HMG20A: variants seen among roughly 807,000 people sequenced by gnomAD.
HMG20A encodes high mobility group protein 20A.
Under a neutral mutation model 43.9 loss-of-function variants are expected in HMG20A, and 17 were observed. The ratio of observed to expected loss-of-function variants is 0.39; its 90% CI spans 0.27 to 0.58. The LOEUF is 0.58. Ranked by LOEUF, HMG20A falls within the 20% of genes least tolerant of loss-of-function variation. HMG20A has a pLI of 0.59. For missense variants in HMG20A, 341 were observed against 438.2 expected (o/e 0.78, Z 1.98); for synonymous variants, 132 against 147.5 (o/e 0.89, Z 0.76).
chr15:77,458,068 T>G (rs11856084), intron 1 of HMG20A: 44,975 of 198,700 alleles, frequency 0.23, 5,730 homozygotes, highest in Middle Eastern at 0.28. Flanking sequence ...TTGCTCAGAG[T>G]GGCAGTGCTT....
At chr15:77,513,739 T>C in the HMG20A span, among the ~76,000 whole-genome samples, 1 of 151,986 alleles carries the variant, frequency 6.6e-6, no homozygotes, top group South Asian at 2.1e-4. Flanking sequence ...CTCCTTTTTT[T>C]TTTTTTTGAT....
In HMG20A at chr15:77,420,919, G is replaced by C; in HGVS notation, c.-90G>C. ...GAGACGACGAGTGCGTGAAGTGAAG[G>C]CGATTGAGAGGGGCTGAGGGAATTG... On this transcript the variant is annotated 5_prime_UTR_variant, in exon 1 of 10. Transcript: ENST00000336216. 2 of 398,764 alleles carry C rather than the reference G, an allele frequency of 5.0e-6. No individual in the cohort carries two copies. Among genetic ancestry groups the C allele is most frequent in the Non-Finnish European group, 4.4e-6 (1 of 226,130 alleles). The allele number at this position is 398,764 out of a possible 1,614,324, so 24.7% of individuals were successfully genotyped here. A position where few individuals can be genotyped will look rare whatever the true frequency, so the allele number is the denominator to read the frequency against.
the HMG20A span, among the ~76,000 whole-genome samples, chr15:77,504,874 T>G: frequency 6.6e-6 from 1 of 152,208 alleles, no homozygotes; most frequent in Non-Finnish European, 1.5e-5. Context: ...ACTCTGAGGC[T>G]CCATCATCTC....
chr15:77,461,923 G>A (rs2072708729), intron 2 of HMG20A, among the ~76,000 whole-genome samples: 1 of 152,162 alleles, frequency 6.6e-6, no homozygotes, highest in African/African-American at 2.4e-5. Flanking sequence ...ACTGGATCTC[G>A]ATGGTACCTC....
At chr15:77,491,704 C>A in the HMG20A span, among the ~76,000 whole-genome samples, 3 of 152,076 alleles carry the variant, frequency 2.0e-5, no homozygotes, top group Admixed American at 6.6e-5. Flanking sequence ...TGGGGGAAGG[C>A]AAAAGAGCTT....
intron 2 of HMG20A, among the ~76,000 whole-genome samples, chr15:77,460,282 T>C (rs1332062091): frequency 6.6e-6 from 1 of 152,086 alleles, no homozygotes; most frequent in Non-Finnish European, 1.5e-5. Flanking sequence ...TTTGAAGGTA[T>C]ACCAAACAGA....
chr15:77,494,532 G>A, the HMG20A span, among the ~76,000 whole-genome samples: 6 of 152,288 alleles, frequency 3.9e-5, no homozygotes, highest in South Asian at 8.3e-4. Flanking sequence ...GTCAGTACCT[G>A]TAAAGATGTT....
rs553653247 is a variant in HMG20A at position 77,439,488 on chromosome 15, T to C, written c.-5+18484T>C. Reference sequence around the variant, plus strand: ...ATTGAGCTTCATATAAATATATTCATAGAATATTTATTCTCGTGGGTCTGG... The same window carrying C: ...ATTGAGCTTCATATAAATATATTCACAGAATATTTATTCTCGTGGGTCTGG... On this transcript the variant is annotated intron_variant, in intron 1 of 9. Coordinates refer to ENST00000336216, the MANE Select transcript of HMG20A (RefSeq NM_001304504.2). Among the ~76,000 whole-genome samples the C allele has an allele frequency of 5.9e-5, 9 of 152,340 alleles. No homozygotes were observed. In the South Asian group the frequency reaches 1.9e-3, roughly 32 times the overall value.
At chr15:77,443,371 A>AT (rs1325898624) in intron 1 of HMG20A, among the ~76,000 whole-genome samples, 1 of 129,566 alleles carries the variant, frequency 7.7e-6, no homozygotes, top group Non-Finnish European at 1.7e-5. Context: ...GATGATGATG[A>AT]TGATGATGAT....
chr15:77,455,602 C>A (rs1050437956), intron 1 of HMG20A, among the ~76,000 whole-genome samples: 3 of 152,088 alleles, frequency 2.0e-5, no homozygotes, highest in Non-Finnish European at 4.4e-5. Context: ...GCATGATAGA[C>A]CTGTTTGTAT....
At chr15:77,466,505 TCTATCTGCTATGCTATGCTATCTG>T (rs2142339448) in intron 3 of HMG20A, among the ~76,000 whole-genome samples, 2 of 152,390 alleles carry the variant, frequency 1.3e-5, no homozygotes, top group East Asian at 3.8e-4. Context: ...TAATTTAGTA[TCTATCTGCTATGCTATGCTATCTG>T]CTATCTGCTA....
intron 1 of HMG20A, among the ~76,000 whole-genome samples, chr15:77,438,736 G>T (rs2073577386): frequency 1.3e-5 from 2 of 152,102 alleles, no homozygotes; most frequent in Non-Finnish European, 1.5e-5. Context: ...TTGAAAAAAT[G>T]CCTGTTTACT....
Position 77,420,901 on chromosome 15 carries a change from C to T in HMG20A, c.-108C>T, listed in dbSNP as rs535095914. 8 of 398,630 alleles carry T rather than the reference C, an allele frequency of 2.0e-5. No homozygotes were observed. The highest frequency in any genetic ancestry group is 3.5e-5 in the Non-Finnish European group (8 of 226,152). 24.7% of individuals were successfully genotyped at this position (398,630 alleles called of 1,614,324 possible). ...GAATTTTTGTCCAGCTGTGAGACGA[C>T]GAGTGCGTGAAGTGAAGGCGATTGA... On this transcript the variant is annotated 5_prime_UTR_variant, in exon 1 of 10. The change creates a new upstream start codon in the 5' untranslated region. Transcript: ENST00000336216.
intron 4 of HMG20A, among the ~76,000 whole-genome samples, chr15:77,470,003 T>C (rs2072792113): frequency 6.6e-6 from 1 of 152,192 alleles, no homozygotes; most frequent in African/African-American, 2.4e-5. Context: ...TGGTAACAAA[T>C]CATTGGTATT....
At chr15:77,463,812 A>G (rs1334446117) in intron 2 of HMG20A, among the ~76,000 whole-genome samples, 2 of 152,198 alleles carry the variant, frequency 1.3e-5, no homozygotes, top group African/African-American at 2.4e-5. Context: ...TACACCCTTT[A>G]AGACCTCTTT....
intron 6 of HMG20A, among the ~76,000 whole-genome samples, chr15:77,472,094 A>G (rs2072814800): frequency 2.0e-5 from 3 of 152,150 alleles, no homozygotes; most frequent in South Asian, 2.1e-4. Context: ...GGAATGAAGT[A>G]TAGAAATGAG....
rs115607703 is a variant in HMG20A, at chr15:77,430,610, A to G, written c.-5+9606A>G. On this transcript the variant is annotated intron_variant, in intron 1 of 9. Coordinates refer to ENST00000336216, the MANE Select transcript of HMG20A (RefSeq NM_001304504.2). Reference sequence around the variant, plus strand: ...AGAGGGTTTCTTCTAAAAGCAGAGAAGCTGTTAGTTTTATGGGGCGGAGCA... The same window carrying G: ...AGAGGGTTTCTTCTAAAAGCAGAGAGGCTGTTAGTTTTATGGGGCGGAGCA... Among the ~76,000 whole-genome samples, 359 of 152,350 alleles carry G rather than the reference A, an allele frequency of 2.4e-3. 1 individual carries two copies. The highest frequency in any genetic ancestry group is 8.2e-3 in the African/African-American group (341 of 41,582).
At chr15:77,518,236 G>A in the HMG20A span, among the ~76,000 whole-genome samples, 4 of 151,936 alleles carry the variant, frequency 2.6e-5, no homozygotes, top group African/African-American at 4.8e-5. Flanking sequence ...TGGGGGAGCC[G>A]ATAGGGGAGG....
downstream of HMG20A, among the ~76,000 whole-genome samples, chr15:77,486,286 GT>G (rs2142372578): frequency 6.9e-6 from 1 of 144,362 alleles, no homozygotes; most frequent in South Asian, 2.2e-4. Context: ...TTGAGATGGA[GT>G]TTTGCTCTTG....
Sources: allele counts gnomAD v4.1 joint callset (sites outside exome capture counted in the v4.1 genomes callset), GRCh38; gene constraint gnomAD v4.1.1; transcripts MANE v1.5; gene names NCBI Gene and HGNC (gene_info 2026-07-23, HGNC 2026-07-21).